Variants in ABCB1 observed in about 807,000 individuals in gnomAD.
ABCB1 encodes ATP-dependent translocase ABCB1.
A neutral mutation model predicts 142.0 loss-of-function variants in ABCB1; 69 were observed. The ratio of observed to expected loss-of-function variants is 0.49; its 90% CI spans 0.40 to 0.59. The LOEUF is 0.59. Among genes scored for constraint, ABCB1 ranks in the 20% least tolerant of loss-of-function variants. The pLI is 0.00. For missense variants in ABCB1, 1,326 were observed against 1,554.7 expected (o/e 0.85, Z 2.47); for synonymous variants, 532 against 539.2 (o/e 0.99, Z 0.18).
At chr7:87,581,413 G>T (rs1008419550) in intron 4 of ABCB1, among the ~76,000 whole-genome samples, 1 of 151,956 alleles carries the variant, frequency 6.6e-6, no homozygotes, top group Admixed American at 6.6e-5. Flanking sequence ...GTCTCATAAG[G>T]AAGATGAGAA....
intron 1 of ABCB1, among the ~76,000 whole-genome samples, chr7:87,663,264 A>G (rs1231716707): frequency 6.6e-6 from 1 of 151,868 alleles, no homozygotes; most frequent in Non-Finnish European, 1.5e-5. Flanking sequence ...CTCTTATTTT[A>G]TTGTAAATAC....
chr7:87,654,324 T>C (rs970316205), intron 1 of ABCB1, among the ~76,000 whole-genome samples: 4 of 151,922 alleles, frequency 2.6e-5, no homozygotes, highest in African/African-American at 9.7e-5. Context: ...ATACTTGACT[T>C]CAAAATATAC....
chr7:87,504,609 T>G (rs956675335), intron 27 of ABCB1, among the ~76,000 whole-genome samples, 160 bp from the exon 28 acceptor site: 1 of 152,064 alleles, frequency 6.6e-6, no homozygotes, highest in Non-Finnish European at 1.5e-5. Context: ...ATTGAGACCA[T>G]CCTGGCTAAC....
At chr7:87,596,953 A>G (rs1819235131) in intron 2 of ABCB1, among the ~76,000 whole-genome samples, 2 of 152,046 alleles carry the variant, frequency 1.3e-5, no homozygotes, top group African/African-American at 4.8e-5. Context: ...TTGTTCTCTA[A>G]AACAGCTGCT....
chr7:87,643,854 A>G (rs1822703305), intron 1 of ABCB1, among the ~76,000 whole-genome samples: 1 of 150,464 alleles, frequency 6.6e-6, no homozygotes. Context: ...ATAATATTTG[A>G]AGAAAGAAGG....
intron 18 of ABCB1, among the ~76,000 whole-genome samples, chr7:87,539,749 C>T (rs1436468063): frequency 1.3e-5 from 2 of 152,154 alleles, no homozygotes; most frequent in African/African-American, 4.8e-5. Context: ...TATCTCTAGA[C>T]TTCTAAGGTC....
At chr7:87,530,830 C>CAAGAAAGA (rs1241023862) in intron 21 of ABCB1, among the ~76,000 whole-genome samples, 631 of 43,170 alleles carry the variant, frequency 0.015, 1 homozygote, top group Middle Eastern at 0.019. Context: ...AGCAAGAAAG[C>CAAGAAAGA]AAGAAAGCAA....
At chr7:87,581,368 C>T (rs573979601) in intron 4 of ABCB1, among the ~76,000 whole-genome samples, 2 of 152,168 alleles carry the variant, frequency 1.3e-5, no homozygotes, top group African/African-American at 4.8e-5. Flanking sequence ...AAACCACAAT[C>T]GCCTTTATCT....
At position 87,671,718 on chromosome 7, in the gene ABCB1, C is replaced by T. The variant is rs577772493; in HGVS notation, c.-331+41443G>A. Among the ~76,000 whole-genome samples, 20 of 152,266 alleles carry T rather than the reference C, an allele frequency of 1.3e-4. No homozygotes were observed. In the East Asian group the frequency reaches 2.7e-3, roughly 21 times the overall value. On this transcript the variant is annotated intron_variant, in intron 1 of 28. Transcript: ENST00000265724. ...GCAAGATTGAGGACCCACTTAAAAA[C>T]GCAGTCTTACCATGTGTTGGTAGAG...
Position 87,503,506 on chromosome 7 carries a change from A to G in ABCB1, c.*737T>C, listed in dbSNP as rs958425589. 3 of 152,222 alleles carry G rather than the reference A, an allele frequency of 2.0e-5. No individual in the cohort carries two copies. Among genetic ancestry groups the G allele is most frequent in the African/African-American group, 7.2e-5 (3 of 41,460 alleles). The allele number at this position is 152,222 out of a possible 1,614,324, so 9.4% of individuals were successfully genotyped here. Reference sequence around the variant, plus strand: ...TAAAAATCTTAAAAAATCCTTAAAGAACCCTTTATAAAAGCAATGCAAAGT... The same window carrying G: ...TAAAAATCTTAAAAAATCCTTAAAGGACCCTTTATAAAAGCAATGCAAAGT... On this transcript the variant is annotated 3_prime_UTR_variant, in exon 28 of 28. Coordinates refer to ENST00000622132, the MANE Select transcript of ABCB1 (RefSeq NM_001348946.2).
At position 87,550,803 on chromosome 7, in the gene ABCB1, A is replaced by G. The variant is rs200010117; in HGVS notation, c.1035T>C (p.Val345=). Residue 345 remains valine, a synonymous_variant, in exon 10 of 28, where the codon GTT becomes GTC. Coordinates refer to ENST00000622132, the MANE Select transcript of ABCB1 (RefSeq NM_001348946.2). The part of the protein sequence containing the change: ...FFSVLIGAFS[V]GQASPSIEAF... ...CTTCAATGCTTGGAGATGCCTGTCC[A>G]ACACTAAAAGCCCCAATTAATACAG... The G allele has an allele frequency of 2.5e-6, 4 of 1,613,644 alleles. No homozygotes were observed. Among genetic ancestry groups the G allele is most frequent in the Non-Finnish European group, 8.5e-7 (1 of 1,179,566 alleles).
rs1444836423 is a variant in ABCB1 at position 87,561,348 on chromosome 7, C to T, written c.742G>A (p.Ala248Thr). Residue 248 changes from alanine to threonine, a missense_variant, in exon 8 of 28, where the codon GCA (alanine) becomes ACA (threonine). Ala to Thr is a moderately conservative substitution (Grantham distance 58). Coordinates refer to ENST00000622132, the MANE Select transcript of ABCB1 (RefSeq NM_001348946.2). ...SFTDKELLAYAKAGAVAEEVL... is the reference protein window; with the variant it reads ...SFTDKELLAYTKAGAVAEEVL... ...TCTTCAGCTACTGCTCCAGCTTTTG[C>T]ATACGCTAAGAGTTCTTTATCAGTA... 1 of 1,613,716 alleles carries T rather than the reference C, an allele frequency of 6.2e-7. No individual in the cohort carries two copies. Among genetic ancestry groups the T allele is most frequent in the Admixed American group, 1.7e-5 (1 of 59,996 alleles).
intron 1 of ABCB1, among the ~76,000 whole-genome samples, chr7:87,621,443 T>C (rs1563077689): frequency 6.6e-6 from 1 of 152,154 alleles, no homozygotes; most frequent in African/African-American, 2.4e-5. Flanking sequence ...AAGTATTGAC[T>C]GTTTGGAAAA....
chr7:87,589,805 G>GAGAGAGAGAGA (rs1554439341), intron 3 of ABCB1, among the ~76,000 whole-genome samples: 1 of 105,366 alleles, frequency 9.5e-6, no homozygotes, highest in African/African-American at 5.9e-5. Flanking sequence ...GAGAGAGAGA[G>GAGAGAGAGAGA]GAGAGAGAGA....
At chr7:87,706,089 G>T in intron 1 of ABCB1, among the ~76,000 whole-genome samples, 1 of 152,116 alleles carries the variant, frequency 6.6e-6, no homozygotes, top group East Asian at 1.9e-4. Context: ...TGCTTATCCT[G>T]TACATTCCTT....
intron 1 of ABCB1, among the ~76,000 whole-genome samples, chr7:87,693,360 G>GT (rs397890485): frequency 6.6e-6 from 1 of 152,088 alleles, no homozygotes; most frequent in Non-Finnish European, 1.5e-5. Context: ...AAACATAAAA[G>GT]TTTTAACAAT....
chr7:87,683,177 A>T (rs1055901535), intron 1 of ABCB1, among the ~76,000 whole-genome samples: 7 of 152,152 alleles, frequency 4.6e-5, no homozygotes, highest in Admixed American at 4.6e-4. Context: ...AGCATTAAAG[A>T]GAGGACCTTA....
At chr7:87,533,893 A>C (rs1816169833) in intron 20 of ABCB1, among the ~76,000 whole-genome samples, 1 of 152,122 alleles carries the variant, frequency 6.6e-6, no homozygotes, top group Non-Finnish European at 1.5e-5. Context: ...CACTGTTTTA[A>C]GTTCTGGAAA....
chr7:87,613,457 T>A (rs1819929468), intron 1 of ABCB1, among the ~76,000 whole-genome samples: 1 of 151,976 alleles, frequency 6.6e-6, no homozygotes, highest in African/African-American at 2.4e-5. Flanking sequence ...AGACATAGGA[T>A]TAACCAAGAT....
Sources: gnomAD v4.1 joint callset for allele counts (sites outside exome capture counted in the v4.1 genomes callset) on GRCh38, gnomAD v4.1.1 for gene constraint, MANE v1.5 for transcripts, NCBI Gene and HGNC (gene_info 2026-07-23, HGNC 2026-07-21) for gene names.